C8orf33: variants seen among roughly 807,000 people sequenced by gnomAD.
The protein encoded by C8orf33 is chromosome 8 open reading frame 33.
C8orf33 carries 28 observed loss-of-function variants against 25.7 expected under a neutral mutation model. That is an observed-to-expected ratio of 1.09 (90% CI 0.81 to 1.49). C8orf33 has a LOEUF of 1.49. C8orf33 is among the 40% of genes most tolerant of loss of function. The probability of loss-of-function intolerance (pLI) is 0.00; values close to 1 mark genes in which losing one functional copy is unlikely to be tolerated. For missense variants in C8orf33, 369 were observed against 294.4 expected (o/e 1.25, Z -1.85); for synonymous variants, 153 against 115.9 (o/e 1.32, Z -2.06).
At position 145,052,696 on chromosome 8, in the gene C8orf33, C is replaced by G. The variant is rs1441660146; in HGVS notation, c.117C>G (p.Ser39=). The stretch of plus-strand genomic sequence containing the variant: ...CAGTTTCCAGCGCCCGGAATCCTTC[C>G]ACTGTCTGTCTCTGCCCAGAGCAAC... The part of the protein sequence containing the change: ...PGPVSSARNP[S]TVCLCPEQPT... The change falls in exon 2 of 5, where the codon TCC becomes TCG. Residue 39 remains serine, a synonymous_variant. Transcript: ENST00000331434. The G allele has an allele frequency of 2.5e-6, 4 of 1,614,018 alleles. No homozygotes were observed. The Admixed American group carries it at 6.7e-5, about 27-fold the overall frequency.
Position 145,053,132 on chromosome 8 carries a change from C to G in C8orf33, c.389C>G (p.Pro130Arg). 6.2e-7 allele frequency: 1 copy of G among 1,614,188 alleles called. No homozygotes were observed. The highest frequency in any genetic ancestry group is 8.5e-7 in the Non-Finnish European group (1 of 1,180,034). ...GAGCTGGGCCTCAAGAGGCAGAAACCCACCCCGAAACAGAGTAAGGGACCC... is the reference window on the plus strand; with the variant it reads ...GAGCTGGGCCTCAAGAGGCAGAAACGCACCCCGAAACAGAGTAAGGGACCC... ...QLELGLKRQKPTPKQKEQAIG... is the reference protein window; with the variant it reads ...QLELGLKRQKRTPKQKEQAIG... The change falls in exon 3 of 5, where the codon CCC (proline) becomes CGC (arginine). Residue 130 changes from proline (P) to arginine (R), a missense_variant. Pro to Arg is a moderately radical substitution (Grantham distance 103). Coordinates refer to ENST00000331434, the MANE Select transcript of C8orf33 (RefSeq NM_023080.3).
At position 145,055,273 on chromosome 8, in the gene C8orf33, A is replaced by G. The variant is rs1174145342; in HGVS notation, c.*1116A>G. ...TGAGTATCATTAATCATTAGTTTAT[A>G]GCAATTACTCTTTATTCCAATATTA... On this transcript the variant is annotated 3_prime_UTR_variant, in exon 5 of 5. Coordinates refer to ENST00000331434, the MANE Select transcript of C8orf33 (RefSeq NM_023080.3). 6.6e-6 allele frequency: 1 copy of G among 152,218 alleles called. No individual in the cohort carries two copies. The highest frequency in any genetic ancestry group is 1.5e-5 in the Non-Finnish European group (1 of 68,058). The allele number at this position is 152,218 out of a possible 1,614,324, so 9.4% of individuals were successfully genotyped here.
chr8:145,054,090 G>T lies in C8orf33; in HGVS notation c.623G>T (p.Arg208Leu). Reference sequence around the variant, plus strand: ...AAGAGCCAAAGGGTCTGCAGGCCTCGCTCTATATGGAGAGCCAAAGCCACT... The same window carrying T: ...AAGAGCCAAAGGGTCTGCAGGCCTCTCTCTATATGGAGAGCCAAAGCCACT... ...RKKSQRVCRP[R>L]SIWRAKATLD... Residue 208 changes from arginine to leucine, a missense_variant, in exon 5 of 5, where the codon CGC becomes CTC. Physicochemically the swap from Arg to Leu is moderately radical, Grantham distance 102. Transcript: ENST00000331434. 1 of 1,614,166 alleles carries T rather than the reference G, an allele frequency of 6.2e-7. No individual in the cohort carries two copies.
At chr8:145,052,549 G>C (rs1473184548) in intron 1 of C8orf33, 37 bp from the exon 2 acceptor site, 2 of 1,600,806 alleles carry the variant, frequency 1.2e-6, no homozygotes, top group Non-Finnish European at 1.7e-6. Context: ...ATTGTTGGCG[G>C]CTCTCGGTGA....
rs144574967 is a variant in C8orf33 at position 145,052,650 on chromosome 8, G to A, written c.71G>A (p.Arg24His). Reference protein sequence around the residue: ...APGPGTPCASRGARLPGPVSS... With the variant: ...APGPGTPCASHGARLPGPVSS... ...GGCCCGGGTACTCCCTGCGCGTCCCGCGGAGCCCGGCTTCCCGGCCCAGTT... is the reference window on the plus strand; with the variant it reads ...GGCCCGGGTACTCCCTGCGCGTCCCACGGAGCCCGGCTTCCCGGCCCAGTT... Residue 24 changes from arginine to histidine, a missense_variant, in exon 2 of 5, where the codon CGC (arginine) becomes CAC (histidine). Physicochemically the swap from Arg to His is conservative, Grantham distance 29. Transcript: ENST00000331434. 59 of 1,612,726 alleles carry A rather than the reference G, an allele frequency of 3.7e-5. No homozygotes were observed. In the African/African-American group the frequency reaches 6.1e-4, roughly 17 times the overall value.
rs199825158 is a variant in C8orf33, at chr8:145,052,656, C to T, written c.77C>T (p.Ala26Val). 18 of 1,613,028 alleles carry T rather than the reference C, an allele frequency of 1.1e-5. No individual in the cohort carries two copies. Among genetic ancestry groups the T allele is most frequent in the Non-Finnish European group, 1.4e-5 (17 of 1,180,012 alleles). The change falls in exon 2 of 5, where the codon GCC becomes GTC. Residue 26 changes from alanine (A) to valine (V), a missense_variant. Transcript: ENST00000331434. ...GPGTPCASRG[A>V]RLPGPVSSAR... ...GGTACTCCCTGCGCGTCCCGCGGAGCCCGGCTTCCCGGCCCAGTTTCCAGC... is the reference window on the plus strand; with the variant it reads ...GGTACTCCCTGCGCGTCCCGCGGAGTCCGGCTTCCCGGCCCAGTTTCCAGC...
Position 145,054,388 on chromosome 8 carries a change from T to G in C8orf33, c.*231T>G, listed in dbSNP as rs1309130824. 1 of 457,366 alleles carries G rather than the reference T, an allele frequency of 2.2e-6. No individual in the cohort carries two copies. Among genetic ancestry groups the G allele is most frequent in the East Asian group, 3.7e-5 (1 of 27,334 alleles). 28.3% of individuals were successfully genotyped at this position (457,366 alleles called of 1,614,324 possible). A position where few individuals can be genotyped will look rare whatever the true frequency, so the allele number is the denominator to read the frequency against. ...CTTTCAGAAGAGAGAGAGAGGTGCA[T>G]TTAGAAAATATGCAATAAATTGAAG... On this transcript the variant is annotated 3_prime_UTR_variant, in exon 5 of 5. Transcript: ENST00000331434.
At position 145,054,356 on chromosome 8, in the gene C8orf33, G is replaced by A. The variant is rs1163889225; in HGVS notation, c.*199G>A. The A allele has an allele frequency of 2.3e-5, 12 of 518,562 alleles. 1 individual carries two copies. The highest frequency in any genetic ancestry group is 3.7e-5 in the Non-Finnish European group (11 of 294,950). The allele number at this position is 518,562 out of a possible 1,614,324, so 32.1% of individuals were successfully genotyped here. On this transcript the variant is annotated 3_prime_UTR_variant, in exon 5 of 5. Coordinates refer to ENST00000331434, the MANE Select transcript of C8orf33 (RefSeq NM_023080.3). The stretch of plus-strand genomic sequence containing the variant: ...GACCCCGTTCGTTTTCTGATGAAAT[G>A]TTCTCTCTTTCAGAAGAGAGAGAGA...
At position 145,055,248 on chromosome 8, in the gene C8orf33, T is replaced by C. The variant is rs1287932358; in HGVS notation, c.*1091T>C. On this transcript the variant is annotated 3_prime_UTR_variant, in exon 5 of 5. Coordinates refer to ENST00000331434, the MANE Select transcript of C8orf33 (RefSeq NM_023080.3). ...TCTAGATCATAGACATGATTATATG[T>C]GAGTATCATTAATCATTAGTTTATA... 6.6e-6 allele frequency: 1 copy of C among 152,150 alleles called. No individual in the cohort carries two copies. Among genetic ancestry groups the C allele is most frequent in the African/African-American group, 2.4e-5 (1 of 41,418 alleles). The allele number at this position is 152,150 out of a possible 1,614,324, so 9.4% of individuals were successfully genotyped here. A position where few individuals can be genotyped will look rare whatever the true frequency, so the allele number is the denominator to read the frequency against.
chr8:145,055,597 C>T lies in C8orf33; in HGVS notation c.*1440C>T, dbSNP rs1340609346. The T allele has an allele frequency of 6.4e-6, 1 of 156,106 alleles. No homozygotes were observed. The highest frequency in any genetic ancestry group is 2.4e-5 in the African/African-American group (1 of 41,472). 9.7% of individuals were successfully genotyped at this position (156,106 alleles called of 1,614,324 possible). ...GAGTTTAGAGAAGACTACTCCTCCA[C>T]CTCTTGTGGAGGGCCTGACATCAGT... On this transcript the variant is annotated 3_prime_UTR_variant, in exon 5 of 5. Transcript: ENST00000331434.
chr8:145,054,370 A>AAG lies in C8orf33; in HGVS notation c.*224_*225dup, dbSNP rs753473380. On this transcript the variant is annotated 3_prime_UTR_variant, in exon 5 of 5. Transcript: ENST00000331434. ...TCTGATGAAATGTTCTCTCTTTCAGAAGAGAGAGAGAGGTGCATTTAGAAA... is the reference window on the plus strand; with the variant it reads ...TCTGATGAAATGTTCTCTCTTTCAGAAGAGAGAGAGAGAGGTGCATTTAGAAA... 17 of 502,422 alleles carry AAG rather than the reference A, an allele frequency of 3.4e-5. No individual in the cohort carries two copies. The highest frequency in any genetic ancestry group is 5.3e-5 in the Non-Finnish European group (15 of 283,440). 31.1% of individuals were successfully genotyped at this position (502,422 alleles called of 1,614,324 possible).
Position 145,053,239 on chromosome 8 carries a change from C to T in C8orf33, c.404-58C>T, listed in dbSNP as rs1835305076. The T allele has an allele frequency of 6.2e-6, 10 of 1,611,972 alleles. No homozygotes were observed. The highest frequency in any genetic ancestry group is 1.7e-5 in the Admixed American group (1 of 59,960). On this transcript the variant is annotated intron_variant, in intron 3 of 4. Transcript: ENST00000331434. ...GAGTATGGAGTTGTTGGCTTTGCGG[C>T]GGGGTGGTAGGAGGTCAGTAATAGA...
intron 4 of C8orf33, chr8:145,053,692 G>C (rs1161698925): frequency 3.4e-6 from 2 of 585,310 alleles, no homozygotes; most frequent in East Asian, 2.9e-5. Context: ...TCCTGCTCCT[G>C]GGTTGGGGAA....
chr8:145,053,090 G>C lies in C8orf33; in HGVS notation c.347G>C (p.Trp116Ser). The C allele has an allele frequency of 6.2e-7, 1 of 1,614,152 alleles. No individual in the cohort carries two copies. Among genetic ancestry groups the C allele is most frequent in the Non-Finnish European group, 8.5e-7 (1 of 1,180,008 alleles). The change falls in exon 3 of 5, where the codon TGG becomes TCG. Residue 116 changes from tryptophan to serine, a missense_variant. Transcript: ENST00000331434. ...CAACAGTTGGCCCAGGAATTGGCTT[G>C]GTGTGTGGAGCAACTGGAGCTGGGC... Reference protein sequence around the residue: ...QAQQLAQELAWCVEQLELGLK... With the variant: ...QAQQLAQELASCVEQLELGLK...
Position 145,054,277 on chromosome 8 carries a change from TGGTCCAAGGATTTGTAG to T in C8orf33, c.*121_*137del. 8.5e-7 allele frequency: 1 copy of T among 1,173,204 alleles called. No individual in the cohort carries two copies. The highest frequency in any genetic ancestry group is 1.5e-5 in the South Asian group (1 of 65,106). 72.7% of individuals were successfully genotyped at this position (1,173,204 alleles called of 1,614,324 possible). A position where few individuals can be genotyped will look rare whatever the true frequency, so the allele number is the denominator to read the frequency against. On this transcript the variant is annotated 3_prime_UTR_variant, in exon 5 of 5. Transcript: ENST00000331434. ...ACCCTGGAGTTGGTCTGTCCCTGGC[TGGTCCAAGGATTTGTAG>T]CTGTTGTGAAGGTGTGAGACCATCA...
chr8:145,054,485 CAA>C lies in C8orf33; in HGVS notation c.*330_*331del, dbSNP rs1248866042. The C allele has an allele frequency of 1.3e-5, 3 of 223,496 alleles. No individual in the cohort carries two copies. Among genetic ancestry groups the C allele is most frequent in the African/African-American group, 4.6e-5 (2 of 43,610 alleles). 13.8% of individuals were successfully genotyped at this position (223,496 alleles called of 1,614,324 possible). ...GATTAGATTAAGTGGCTGTTGGTAA[CAA>C]AGATTAGTGGAGAAGCTGTATAATC... On this transcript the variant is annotated 3_prime_UTR_variant, in exon 5 of 5. Coordinates refer to ENST00000331434, the MANE Select transcript of C8orf33 (RefSeq NM_023080.3).
chr8:145,054,468 T>A lies in C8orf33; in HGVS notation c.*311T>A. 1 of 238,684 alleles carries A rather than the reference T, an allele frequency of 4.2e-6. No homozygotes were observed. The highest frequency in any genetic ancestry group is 8.2e-6 in the Non-Finnish European group (1 of 122,628). 14.8% of individuals were successfully genotyped at this position (238,684 alleles called of 1,614,324 possible). A position where few individuals can be genotyped will look rare whatever the true frequency, so the allele number is the denominator to read the frequency against. On this transcript the variant is annotated 3_prime_UTR_variant, in exon 5 of 5. Coordinates refer to ENST00000331434, the MANE Select transcript of C8orf33 (RefSeq NM_023080.3). ...TTGTACTCAGTCTTTAGGATTAGAT[T>A]AAGTGGCTGTTGGTAACAAAGATTA...
chr8:145,053,023 C>T, intron 2 of C8orf33, 39 bp from the exon 3 acceptor site: 1 of 1,613,422 alleles, frequency 6.2e-7, no homozygotes, highest in Non-Finnish European at 8.5e-7. Flanking sequence ...TATGGTTTTC[C>T]AGTGCCCTCT....
chr8:145,055,123 C>T lies in C8orf33; in HGVS notation c.*966C>T, dbSNP rs1442497310. 1 of 152,052 alleles carries T rather than the reference C, an allele frequency of 6.6e-6. No homozygotes were observed. The highest frequency in any genetic ancestry group is 1.5e-5 in the Non-Finnish European group (1 of 68,018). 9.4% of individuals were successfully genotyped at this position (152,052 alleles called of 1,614,324 possible). ...GCTTTTCAGTGAATGGCATGACTGC[C>T]TATGTGGGTGGCAAGCCACCCAGGT... On this transcript the variant is annotated 3_prime_UTR_variant, in exon 5 of 5. Transcript: ENST00000331434.
Sources: allele counts gnomAD v4.1 joint callset, GRCh38; gene constraint gnomAD v4.1.1; transcripts MANE v1.5; gene names NCBI Gene and HGNC (gene_info 2026-07-23, HGNC 2026-07-21).